The following MED16 variants were observed in gnomAD, a reference collection of about 807,000 sequenced individuals.
MED16 encodes the protein mediator complex subunit 16.
MED16 carries 81 observed loss-of-function variants against 84.4 expected under a neutral mutation model. The observed-to-expected ratio is 0.96, with a 90% CI of 0.80 to 1.15. The LOEUF (loss-of-function observed/expected upper bound fraction) is 1.15, where lower values mean the gene tolerates loss of function less well. MED16 is among the 50% of genes most tolerant of loss of function. The probability of loss-of-function intolerance (pLI) is 0.00; values close to 1 mark genes in which losing one functional copy is unlikely to be tolerated. For missense variants in MED16, 1,585 were observed against 1,245.9 expected (o/e 1.27, Z -4.10); for synonymous variants, 897 against 552.2 (o/e 1.62, Z -8.76).
At position 884,297 on chromosome 19, in the gene MED16, C is replaced by T. The variant is rs976338921; in HGVS notation, c.985+606G>A. ...TCATAGCAGGCGGGCGTCCCTGCTTCGCTCCAGCCCCAGGATTTTGTGCCG... is the reference window on the plus strand; with the variant it reads ...TCATAGCAGGCGGGCGTCCCTGCTTTGCTCCAGCCCCAGGATTTTGTGCCG... On this transcript the variant is annotated intron_variant, in intron 6 of 15. Coordinates refer to ENST00000325464, the MANE Select transcript of MED16 (RefSeq NM_005481.3). Among the ~76,000 whole-genome samples the T allele has an allele frequency of 3.9e-5, 6 of 152,280 alleles. No homozygotes were observed. In the South Asian group the frequency reaches 1.0e-3, roughly 26 times the overall value.
In MED16 at chr19:868,097, G is replaced by T. The variant is rs747648738; in HGVS notation, c.*4C>A. On this transcript the variant is annotated 3_prime_UTR_variant, in exon 16 of 16. Coordinates refer to ENST00000325464, the MANE Select transcript of MED16 (RefSeq NM_005481.3). ...ACCACAAGGTCCGCCTGGACCCCCG[G>T]CCGTCACGGACGGTCCTCTGGATGC... 1 of 1,600,700 alleles carries T rather than the reference G, an allele frequency of 6.2e-7. No homozygotes were observed. Among genetic ancestry groups the T allele is most frequent in the Admixed American group, 1.8e-5 (1 of 56,272 alleles).
rs563725902 is a variant in MED16, at chr19:875,592, G to C, written c.1561-138C>G. Reference sequence around the variant, plus strand: ...CAAGCTGCTTCGCCTCTGCACCTCAGCAACCTCATGGCAAAACAGGTGCGG... The same window carrying C: ...CAAGCTGCTTCGCCTCTGCACCTCACCAACCTCATGGCAAAACAGGTGCGG... On this transcript the variant is annotated intron_variant, in intron 9 of 15. Transcript: ENST00000325464. The C allele has an allele frequency of 1.1e-5, 7 of 649,228 alleles. No homozygotes were observed. The African/African-American group carries it at 1.1e-4, about 10-fold the overall frequency. The allele number at this position is 649,228 out of a possible 1,614,324, so 40.2% of individuals were successfully genotyped here. A position where few individuals can be genotyped will look rare whatever the true frequency, so the allele number is the denominator to read the frequency against.
chr19:876,271 G>A (rs1413664314), intron 9 of MED16, among the ~76,000 whole-genome samples: 1 of 152,160 alleles, frequency 6.6e-6, no homozygotes, highest in African/African-American at 2.4e-5. Flanking sequence ...GACACTCTGG[G>A]ATTGCAGGCA....
At chr19:885,660 C>T in intron 5 of MED16, 110 bp downstream of exon 5, 1 of 1,320,316 alleles carries the variant, frequency 7.6e-7, no homozygotes, top group South Asian at 1.4e-5. Flanking sequence ...GCCCTGCCCA[C>T]ACCACGGTTT....
chr19:883,182 G>A (rs1033707676), intron 6 of MED16, among the ~76,000 whole-genome samples: 16 of 152,228 alleles, frequency 1.1e-4, no homozygotes, highest in Admixed American at 2.6e-4. Context: ...AAGCTGCTAA[G>A]TGGGGATGTG....
At chr19:873,703 C>T (rs2036157896) in intron 10 of MED16, 121 bp from the exon 11 acceptor site, 1 of 1,189,108 alleles carries the variant, frequency 8.4e-7, no homozygotes, top group Non-Finnish European at 1.2e-6. Context: ...ACAAGGGGAC[C>T]CACACCGGGA....
chr19:886,753 C>T (rs548021583), intron 4 of MED16, among the ~76,000 whole-genome samples: 8 of 152,320 alleles, frequency 5.3e-5, no homozygotes, highest in African/African-American at 1.4e-4. Flanking sequence ...CGGAAACATC[C>T]ACCCTTCTTT....
Position 873,590 on chromosome 19 carries a change from G to A in MED16, c.1772-8C>T, listed in dbSNP as rs768042281. The A allele has an allele frequency of 1.2e-6, 2 of 1,611,890 alleles. No individual in the cohort carries two copies. The highest frequency in any genetic ancestry group is 1.3e-5 in the African/African-American group (1 of 74,874). Reference sequence around the variant, plus strand: ...TCATGACCTTGTCAATGTCTACAAGGAGACGTGGGTCGGGTCAGCTCGGGC... The same window carrying A: ...TCATGACCTTGTCAATGTCTACAAGAAGACGTGGGTCGGGTCAGCTCGGGC... On this transcript the variant is annotated splice_polypyrimidine_tract_variant and splice_region_variant and intron_variant, in intron 10 of 15. Transcript: ENST00000325464.
intron 6 of MED16, 50 bp downstream of exon 6, chr19:884,853 A>G (rs2036493011): frequency 2.7e-6 from 4 of 1,463,546 alleles, no homozygotes; most frequent in Non-Finnish European, 3.7e-6. Context: ...ATAAAAACCA[A>G]CCGCCCCCGA....
intron 12 of MED16, 162 bp downstream of exon 12, chr19:871,764 G>T (rs1216391216): frequency 8.4e-6 from 5 of 592,224 alleles, no homozygotes; most frequent in South Asian, 3.3e-5. Flanking sequence ...AGGGAGAGGG[G>T]AGCGGGGAGA....
chr19:872,580 G>A (rs2036105999), intron 11 of MED16, among the ~76,000 whole-genome samples: 2 of 150,702 alleles, frequency 1.3e-5, no homozygotes, highest in Admixed American at 1.3e-4. Context: ...AGAAGGGCGG[G>A]CCCCAGGGCA....
intron 12 of MED16, chr19:871,547 A>C: frequency 1.3e-6 from 2 of 1,585,722 alleles, no homozygotes; most frequent in Non-Finnish European, 1.7e-6. Context: ...TGTAAGAATG[A>C]CACAGCTCAC....
chr19:869,784 G>GCAAT (rs1165163070), intron 13 of MED16, among the ~76,000 whole-genome samples: 1 of 152,198 alleles, frequency 6.6e-6, no homozygotes, highest in Non-Finnish European at 1.5e-5. Context: ...CCAGCCCTGA[G>GCAAT]CAATCAGTGG....
intron 1 of MED16, 70 bp from the exon 2 acceptor site, chr19:891,219 G>T: frequency 1.4e-6 from 2 of 1,457,546 alleles, no homozygotes; most frequent in Non-Finnish European, 1.9e-6. Context: ...TGCCAGGCCA[G>T]AAGTGGGAAA....
intron 13 of MED16, among the ~76,000 whole-genome samples, chr19:870,319 G>A (rs1039216478): frequency 2.0e-5 from 3 of 152,178 alleles, no homozygotes; most frequent in Non-Finnish European, 2.9e-5. Context: ...CCAGCACTTT[G>A]GGAGGGCGAG....
intron 8 of MED16, 103 bp from the exon 9 acceptor site, chr19:877,283 T>C (rs955350053): frequency 3.3e-5 from 36 of 1,096,926 alleles, no homozygotes; most frequent in Non-Finnish European, 4.3e-5. Context: ...TGGATCTGTG[T>C]GCGCGCACGC....
Position 881,611 on chromosome 19 carries a change from G to A in MED16, c.1089C>T (p.Leu363=), listed in dbSNP as rs1358492161. The part of the protein sequence containing the change: ...AVALPKLPIS[L]TNTDLKVASD... ...TGGCCACCTTGAGGTCGGTGTTGGT[G>A]AGCGAGATGGGCAGCTTGGGCAGCG... Residue 363 remains leucine (L), a synonymous_variant, in exon 7 of 16, where the codon CTC becomes CTT. Coordinates refer to ENST00000325464, the MANE Select transcript of MED16 (RefSeq NM_005481.3). 6.2e-7 allele frequency: 1 copy of A among 1,612,738 alleles called. No homozygotes were observed. Among genetic ancestry groups the A allele is most frequent in the Non-Finnish European group, 8.5e-7 (1 of 1,179,938 alleles).
In MED16 at chr19:890,236, G is replaced by A. The variant is rs150017885; in HGVS notation, c.178C>T (p.Arg60Cys). 3.2e-5 allele frequency: 49 copies of A among 1,549,034 alleles called. No individual in the cohort carries two copies. Among genetic ancestry groups the A allele is most frequent in the African/African-American group, 2.5e-4 (18 of 72,950 alleles). The stretch of plus-strand genomic sequence containing the variant: ...TCCGTGTCCAGGATGTGGATCATGC[G>A]GGTCAGGTCTGTGGGGACGGGGCAT... ...DLRSDDQDLT[R>C]MIHILDTEHP... The change falls in exon 3 of 16, where the codon CGC (arginine) becomes TGC (cysteine). Residue 60 changes from arginine to cysteine, a missense_variant. Arg to Cys is a radical substitution (Grantham distance 180). Transcript: ENST00000325464.
At position 872,142 on chromosome 19, in the gene MED16, G is replaced by A. The variant is rs1380601819; in HGVS notation, c.1906-24C>T. 4 of 1,579,986 alleles carry A rather than the reference G, an allele frequency of 2.5e-6. No individual in the cohort carries two copies. In the African/African-American group the frequency reaches 4.1e-5, roughly 16 times the overall value. ...CCCTGCCCGAAAGAGGCATCGGTGT[G>A]GCTGGGGCGGCGGGGGGCAGATGGC... On this transcript the variant is annotated intron_variant, in intron 11 of 15. Coordinates refer to ENST00000325464, the MANE Select transcript of MED16 (RefSeq NM_005481.3).
Sources: allele counts gnomAD v4.1 joint callset (sites outside exome capture counted in the v4.1 genomes callset), GRCh38; gene constraint gnomAD v4.1.1; transcripts MANE v1.5; gene names NCBI Gene and HGNC (gene_info 2026-07-23, HGNC 2026-07-21).